The following OSBPL6 variants were observed in gnomAD, a reference collection of about 807,000 sequenced individuals.
OSBPL6 encodes the protein oxysterol-binding protein-related protein 6.
OSBPL6 carries 49 observed loss-of-function variants against 125.8 expected under a neutral mutation model. The ratio of observed to expected loss-of-function variants is 0.39; its 90% CI spans 0.31 to 0.49. OSBPL6 has a LOEUF of 0.49. Ranked by LOEUF, OSBPL6 falls within the 20% of genes least tolerant of loss-of-function variation. The pLI is 0.88. For missense variants in OSBPL6, 986 were observed against 1,135.4 expected (o/e 0.87, Z 1.89); for synonymous variants, 394 against 391.8 (o/e 1.01, Z -0.07).
At chr2:178,210,915 G>A (rs2089828949) in intron 1 of OSBPL6, among the ~76,000 whole-genome samples, 1 of 151,782 alleles carries the variant, frequency 6.6e-6, no homozygotes, top group African/African-American at 2.4e-5. Context: ...TTAAACCCAA[G>A]CTACTCATTC....
At chr2:178,327,062 C>T (rs1445627642) in intron 4 of OSBPL6, among the ~76,000 whole-genome samples, 1 of 149,384 alleles carries the variant, frequency 6.7e-6, no homozygotes, top group Non-Finnish European at 1.5e-5. Flanking sequence ...GTACATTGTA[C>T]ACTGCTTGGG....
chr2:178,395,936 C>T lies in OSBPL6; in HGVS notation c.*377C>T, dbSNP rs1022648740. On this transcript the variant is annotated 3_prime_UTR_variant, in exon 25 of 25. Transcript: ENST00000190611. ...AGTTAACAACAACATAGAAACCACA[C>T]GATTGTTCCACTGTCTGGAAGCACC... 3.4e-5 allele frequency: 13 copies of T among 380,836 alleles called. No homozygotes were observed. Among genetic ancestry groups the T allele is most frequent in the Non-Finnish European group, 6.1e-5 (12 of 197,822 alleles). 23.6% of individuals were successfully genotyped at this position (380,836 alleles called of 1,614,324 possible).
At chr2:178,381,283 A>G (rs761890558) in intron 15 of OSBPL6, among the ~76,000 whole-genome samples, 6 of 151,804 alleles carry the variant, frequency 4.0e-5, no homozygotes, top group African/African-American at 1.5e-4. Flanking sequence ...TTAGTTTCAC[A>G]TTTTTCTCAT....
At chr2:178,234,550 C>T (rs925718899) in intron 1 of OSBPL6, among the ~76,000 whole-genome samples, 2 of 152,194 alleles carry the variant, frequency 1.3e-5, no homozygotes, top group Non-Finnish European at 2.9e-5. Flanking sequence ...TCTTACAAAA[C>T]TATAGTACAG....
intron 1 of OSBPL6, among the ~76,000 whole-genome samples, chr2:178,206,837 A>G (rs532915806): frequency 1.2e-4 from 18 of 150,868 alleles, no homozygotes; most frequent in Admixed American, 4.0e-4. Flanking sequence ...CTGGTCTTGA[A>G]CTCCTGACCT....
Position 178,396,421 on chromosome 2 carries a change from T to C in OSBPL6, c.*862T>C, listed in dbSNP as rs978744224. 7 of 152,258 alleles carry C rather than the reference T, an allele frequency of 4.6e-5. No homozygotes were observed. The highest frequency in any genetic ancestry group is 1.7e-4 in the African/African-American group (7 of 41,462). The allele number at this position is 152,258 out of a possible 1,614,324, so 9.4% of individuals were successfully genotyped here. ...CCCTCTTCCACCTAACCTCACAGTG[T>C]GCCCTATTATTTGGAAAAATCTGTC... On this transcript the variant is annotated 3_prime_UTR_variant, in exon 25 of 25. Coordinates refer to ENST00000190611, the MANE Select transcript of OSBPL6 (RefSeq NM_032523.4).
At chr2:178,356,047 C>G (rs1217995152) in intron 12 of OSBPL6, among the ~76,000 whole-genome samples, 2 of 152,194 alleles carry the variant, frequency 1.3e-5, no homozygotes, top group African/African-American at 2.4e-5. Flanking sequence ...GCCCTTCATG[C>G]TAAAAACTCT....
intron 3 of OSBPL6, among the ~76,000 whole-genome samples, chr2:178,309,464 C>T (rs1481222925): frequency 6.6e-6 from 1 of 152,178 alleles, no homozygotes; most frequent in Admixed American, 6.5e-5. Context: ...CTTCTTCCTT[C>T]CTCATGGATA....
intron 1 of OSBPL6, among the ~76,000 whole-genome samples, chr2:178,271,946 C>G (rs1188415819): frequency 6.6e-6 from 1 of 152,172 alleles, no homozygotes; most frequent in African/African-American, 2.4e-5. Context: ...AAAGTCTGTT[C>G]TTTCATCTGG....
intron 1 of OSBPL6, among the ~76,000 whole-genome samples, chr2:178,218,402 A>G: frequency 1.0e-5 from 1 of 98,674 alleles, no homozygotes; most frequent in South Asian, 3.1e-4. Context: ...TTAAAAAAAA[A>G]AAAATTAAAA....
intron 15 of OSBPL6, among the ~76,000 whole-genome samples, chr2:178,379,833 C>A (rs7565742): frequency 0.083 from 12,622 of 152,198 alleles, 616 homozygotes; most frequent in African/African-American, 0.11. Flanking sequence ...CTCAATTTGT[C>A]ATCTTTATGG....
intron 1 of OSBPL6, among the ~76,000 whole-genome samples, chr2:178,207,223 A>T (rs2089585049): frequency 6.6e-6 from 1 of 152,140 alleles, no homozygotes; most frequent in African/African-American, 2.4e-5. Context: ...ACACAAATGT[A>T]TTCTCTCCTG....
intron 1 of OSBPL6, among the ~76,000 whole-genome samples, chr2:178,213,706 TC>T (rs1487066600): frequency 2.0e-5 from 3 of 152,228 alleles, no homozygotes; most frequent in African/African-American, 7.2e-5. Context: ...CCAATCATTG[TC>T]TTTTATTTGT....
chr2:178,332,723 T>C lies in OSBPL6; in HGVS notation c.455T>C (p.Leu152Pro). The C allele has an allele frequency of 6.2e-7, 1 of 1,614,166 alleles. No homozygotes were observed. The highest frequency in any genetic ancestry group is 1.1e-5 in the South Asian group (1 of 91,084). Residue 152 changes from leucine to proline, a missense_variant, in exon 7 of 25, where the codon CTT becomes CCT. By Grantham distance (98) the Leu-to-Pro change is moderately conservative. Transcript: ENST00000190611. Reference protein sequence around the residue: ...SIKKKARRIDLDTEEHIYHLK... With the variant: ...SIKKKARRIDPDTEEHIYHLK... ...AAAAAGAAAGCTCGAAGAATAGACC[T>C]TGACACCGAAGAGCACATCTATCAT...
chr2:178,307,030 T>C (rs1452894201), intron 3 of OSBPL6, among the ~76,000 whole-genome samples: 1 of 152,180 alleles, frequency 6.6e-6, no homozygotes, highest in Non-Finnish European at 1.5e-5. Context: ...GATAGTATCT[T>C]GGTTGTGTAA....
At position 178,243,270 on chromosome 2, in the gene OSBPL6, A is replaced by T. The variant is rs1007700359; in HGVS notation, c.-350-41657A>T. Among the ~76,000 whole-genome samples the T allele has an allele frequency of 2.0e-5, 3 of 152,204 alleles. No homozygotes were observed. In the East Asian group the frequency reaches 5.8e-4, roughly 29 times the overall value. On this transcript the variant is annotated intron_variant, in intron 1 of 24. Coordinates refer to ENST00000190611, the MANE Select transcript of OSBPL6 (RefSeq NM_032523.4). ...ATGACTCCTTCAAAGAAGGTAGGAC[A>T]GTTTTAGTTCTCAAGAGTGAAATGG...
intron 1 of OSBPL6, among the ~76,000 whole-genome samples, chr2:178,225,708 A>G (rs2090532993): frequency 6.6e-6 from 1 of 152,204 alleles, no homozygotes; most frequent in African/African-American, 2.4e-5. Flanking sequence ...GGAGCAAGTC[A>G]CAATCTTACA....
chr2:178,317,411 T>C (rs1286272148), intron 3 of OSBPL6, among the ~76,000 whole-genome samples: 1 of 139,100 alleles, frequency 7.2e-6, no homozygotes, highest in Non-Finnish European at 1.5e-5. Flanking sequence ...TTTAACTTAA[T>C]TATGTCGCAG....
intron 13 of OSBPL6, among the ~76,000 whole-genome samples, chr2:178,371,581 A>G (rs1275965634): frequency 6.6e-6 from 1 of 152,174 alleles, no homozygotes; most frequent in Non-Finnish European, 1.5e-5. Flanking sequence ...CAGCACTGTC[A>G]TATATATTAA....
Sources: gnomAD v4.1 joint callset for allele counts (sites outside exome capture counted in the v4.1 genomes callset) on GRCh38, gnomAD v4.1.1 for gene constraint, MANE v1.5 for transcripts, NCBI Gene and HGNC (gene_info 2026-07-23, HGNC 2026-07-21) for gene names.